The following ENPEP variants were observed in gnomAD, a reference collection of about 807,000 sequenced individuals.
The protein encoded by ENPEP is glutamyl aminopeptidase, also known as AP-A.
A neutral mutation model predicts 114.5 loss-of-function variants in ENPEP; 103 were observed. The observed-to-expected ratio is 0.90, with a 90% CI of 0.77 to 1.06. The LOEUF (loss-of-function observed/expected upper bound fraction) is 1.06. Ranked by LOEUF, ENPEP falls within the 50% of genes least tolerant of loss-of-function variation. The pLI is 0.00. For missense variants in ENPEP, 1,196 were observed against 1,161.3 expected, an observed-to-expected ratio of 1.03 and a Z score of -0.43; for synonymous variants, 420 against 422.0, an observed-to-expected ratio of 1.00 and a Z score of 0.06.
At chr4:110,547,086 A>G (rs1462486413) in intron 13 of ENPEP, among the ~76,000 whole-genome samples, 1 of 152,062 alleles carries the variant, frequency 6.6e-6, no homozygotes, top group Non-Finnish European at 1.5e-5. Context: ...ACTCAGGAAA[A>G]CAAAAAACAA....
intron 10 of ENPEP, among the ~76,000 whole-genome samples, chr4:110,524,043 ATT>A (rs547137684): frequency 6.6e-6 from 1 of 152,314 alleles, no homozygotes; most frequent in East Asian, 1.9e-4. Flanking sequence ...TAGAGGCACA[ATT>A]ACAAACTACA....
rs183820682 is a variant in ENPEP, at chr4:110,545,057, G to C, written c.2000+1987G>C. The stretch of plus-strand genomic sequence containing the variant: ...CAACGAGCATTGGTTAGAGCCAAGA[G>C]GGCAGCTTCAAAGACCACATAAGCT... On this transcript the variant is annotated intron_variant, in intron 13 of 19. Transcript: ENST00000265162. Among the ~76,000 whole-genome samples the C allele has an allele frequency of 4.6e-5, 7 of 152,176 alleles. No individual in the cohort carries two copies. In the East Asian group the frequency reaches 1.4e-3, roughly 30 times the overall value.
At chr4:110,490,270 C>T (rs771034290) in intron 2 of ENPEP, among the ~76,000 whole-genome samples, 3 of 152,154 alleles carry the variant, frequency 2.0e-5, no homozygotes, top group South Asian at 2.1e-4. Flanking sequence ...AGCCCCACCA[C>T]GATTATACAA....
chr4:110,548,068 A>G (rs1727133844), intron 13 of ENPEP, 108 bp from the exon 14 acceptor site: 1 of 1,202,196 alleles, frequency 8.3e-7, no homozygotes, highest in Non-Finnish European at 1.1e-6. Flanking sequence ...CCTCATTAAC[A>G]TGGAATGCTT....
chr4:110,525,757 T>C (rs1410909373), intron 10 of ENPEP, among the ~76,000 whole-genome samples: 1 of 152,168 alleles, frequency 6.6e-6, no homozygotes, highest in Non-Finnish European at 1.5e-5. Context: ...GGATATTAAA[T>C]CTAAAAATAT....
intron 19 of ENPEP, among the ~76,000 whole-genome samples, chr4:110,560,653 C>T (rs1171066403): frequency 6.6e-6 from 1 of 152,124 alleles, no homozygotes; most frequent in African/African-American, 2.4e-5. Context: ...TCTCGCCTCT[C>T]CTGTAAATGT....
At chr4:110,523,236 A>T (rs1222801625) in intron 10 of ENPEP, among the ~76,000 whole-genome samples, 1 of 152,160 alleles carries the variant, frequency 6.6e-6, no homozygotes, top group Admixed American at 6.5e-5. Flanking sequence ...TGATCCAAAA[A>T]TATGAAGCGG....
chr4:110,540,616 C>G (rs75913392), intron 11 of ENPEP, among the ~76,000 whole-genome samples: 2,234 of 152,206 alleles, frequency 0.015, 53 homozygotes, highest in African/African-American at 0.052. Context: ...GCTTCCTCAT[C>G]TATAAAGTGA....
chr4:110,484,754 T>A (rs1412885540), intron 1 of ENPEP, among the ~76,000 whole-genome samples: 1 of 127,052 alleles, frequency 7.9e-6, no homozygotes, highest in Non-Finnish European at 1.6e-5. Flanking sequence ...ATATTATATT[T>A]TATATATATA....
chr4:110,521,593 T>A (rs1329704695), intron 10 of ENPEP, among the ~76,000 whole-genome samples: 2 of 151,968 alleles, frequency 1.3e-5, no homozygotes, highest in Non-Finnish European at 2.9e-5. Flanking sequence ...CCTGACTTTA[T>A]AAGATGCATA....
Position 110,515,334 on chromosome 4 carries a change from A to C in ENPEP, c.1444-43A>C, listed in dbSNP as rs752447949. 9.3e-6 allele frequency: 14 copies of C among 1,498,854 alleles called. 1 individual carries two copies. The South Asian group carries it at 1.5e-4, about 16-fold the overall frequency. 92.8% of individuals were successfully genotyped at this position (1,498,854 alleles called of 1,614,324 possible). A position where few individuals can be genotyped will look rare whatever the true frequency, so the allele number is the denominator to read the frequency against. ...GTAATAACTGATCATTGTTCCTTAC[A>C]TAGCCTTTATTAGTTTCATTTGTCT... On this transcript the variant is annotated intron_variant, in intron 7 of 19. Coordinates refer to ENST00000265162, the MANE Select transcript of ENPEP (RefSeq NM_001977.4).
At chr4:110,547,129 A>G (rs1727099907) in intron 13 of ENPEP, among the ~76,000 whole-genome samples, 1 of 152,048 alleles carries the variant, frequency 6.6e-6, no homozygotes, top group Non-Finnish European at 1.5e-5. Flanking sequence ...CAACCTTCCT[A>G]GGTGCCTTAG....
At chr4:110,487,354 T>G (rs1324877869) in intron 1 of ENPEP, among the ~76,000 whole-genome samples, 1 of 152,212 alleles carries the variant, frequency 6.6e-6, no homozygotes. Context: ...TAGTTCGGCC[T>G]ATGCTCAGGA....
intron 4 of ENPEP, among the ~76,000 whole-genome samples, chr4:110,508,802 C>T (rs947402330): frequency 6.6e-6 from 1 of 152,072 alleles, no homozygotes; most frequent in Non-Finnish European, 1.5e-5. Flanking sequence ...CAGAGCGAGA[C>T]TCTGTCTCAA....
intron 4 of ENPEP, among the ~76,000 whole-genome samples, chr4:110,507,566 T>C (rs1725418451): frequency 6.6e-6 from 1 of 152,266 alleles, no homozygotes; most frequent in South Asian, 2.1e-4. Flanking sequence ...GGAATGGCTG[T>C]GGCTCAGAGC....
intron 10 of ENPEP, among the ~76,000 whole-genome samples, chr4:110,525,671 A>C (rs1726169823): frequency 6.7e-6 from 1 of 149,256 alleles, no homozygotes; most frequent in Non-Finnish European, 1.5e-5. Flanking sequence ...TTTAACTCTA[A>C]ACTGGTTCCT....
At position 110,549,425 on chromosome 4, in the gene ENPEP, T is replaced by G. The variant is rs375455718; in HGVS notation, c.2225+6T>G. 10 of 1,613,022 alleles carry G rather than the reference T, an allele frequency of 6.2e-6. No homozygotes were observed. Among genetic ancestry groups the G allele is most frequent in the African/African-American group, 1.3e-5 (1 of 74,888 alleles). ...GCTGGAGACCATGTCACAAAGTTAT[T>G]CTCACTTTTTAACAACTAAAATTCA... On this transcript the variant is annotated splice_donor_region_variant and intron_variant, in intron 15 of 19. Coordinates refer to ENST00000265162, the MANE Select transcript of ENPEP (RefSeq NM_001977.4).
At chr4:110,548,058 C>A in intron 13 of ENPEP, 118 bp from the exon 14 acceptor site, 5 of 1,134,448 alleles carry the variant, frequency 4.4e-6, no homozygotes, top group Non-Finnish European at 5.8e-6. Flanking sequence ...ATGGAAGAAT[C>A]CTCATTAACA....
chr4:110,485,549 A>G (rs751182284), intron 1 of ENPEP, among the ~76,000 whole-genome samples: 3 of 152,284 alleles, frequency 2.0e-5, no homozygotes, highest in East Asian at 1.9e-4. Flanking sequence ...TAATACAACT[A>G]TCTAATTCAC....
Sources: gnomAD v4.1 joint callset for allele counts (sites outside exome capture counted in the v4.1 genomes callset) on GRCh38, gnomAD v4.1.1 for gene constraint, MANE v1.5 for transcripts, NCBI Gene and HGNC (gene_info 2026-07-23, HGNC 2026-07-21) for gene names.